The following MRPS6 variants were observed in gnomAD, a reference collection of about 807,000 sequenced individuals.
MRPS6 encodes the protein small ribosomal subunit protein bS6m.
MRPS6 carries 6 observed loss-of-function variants against 13.1 expected under a neutral mutation model. That is an observed-to-expected ratio of 0.46 (90% confidence interval 0.25 to 0.91). The LOEUF (loss-of-function observed/expected upper bound fraction) is 0.91, where lower values mean the gene tolerates loss of function less well. Ranked by LOEUF, MRPS6 falls within the 40% of genes least tolerant of loss-of-function variation. The probability of loss-of-function intolerance (pLI) is 0.18; values close to 1 mark genes in which losing one functional copy is unlikely to be tolerated. For synonymous variants in MRPS6, 61 were observed against 56.5 expected, an observed-to-expected ratio of 1.08 and a Z score of -0.36; for missense variants, 164 against 155.6, an observed-to-expected ratio of 1.05 and a Z score of -0.29.
Position 34,073,712 on chromosome 21 carries a change from C to G in MRPS6, c.12C>G (p.Tyr4Ter). The G allele has an allele frequency of 6.5e-7, 1 of 1,527,748 alleles. No individual in the cohort carries two copies. Among genetic ancestry groups the G allele is most frequent in the South Asian group, 1.1e-5 (1 of 87,180 alleles). 94.6% of individuals were successfully genotyped at this position (1,527,748 alleles called of 1,614,324 possible). MPR[Y>*]ELALILKAMQ... is the part of the protein sequence containing the mutation. ...CCGATCCTCCAGGCATGCCCCGCTA[C>G]GAGCTGGCTTTAATCCTGAAAGCCA... The change falls in exon 1 of 3, where the codon TAC (tyrosine) becomes TAG (stop). Residue 4 changes from tyrosine (Y) to a stop codon, truncating the protein, a stop_gained. Coordinates refer to ENST00000399312, the MANE Select transcript of MRPS6 (RefSeq NM_032476.4). LOFTEE classifies it high-confidence loss of function.
intron 1 of MRPS6, among the ~76,000 whole-genome samples, chr21:34,094,215 G>A (rs1346670772): frequency 2.0e-5 from 3 of 152,102 alleles, no homozygotes; most frequent in African/African-American, 7.2e-5. Flanking sequence ...GTGGAATGTC[G>A]TGTTTCCCAT....
intron 2 of MRPS6, among the ~76,000 whole-genome samples, chr21:34,130,730 G>T (rs1412000072): frequency 6.6e-6 from 1 of 152,186 alleles, no homozygotes; most frequent in Non-Finnish European, 1.5e-5. Flanking sequence ...AGTGAGAAAT[G>T]CATTAGTGTC....
intron 1 of MRPS6, among the ~76,000 whole-genome samples, chr21:34,092,354 G>C (rs950514203): frequency 5.4e-5 from 2 of 36,804 alleles, no homozygotes; most frequent in Non-Finnish European, 9.9e-5. Context: ...TTTTGTTTAA[G>C]TTGGAAAAAT....
At chr21:34,095,937 G>T in intron 1 of MRPS6, 1 of 1,614,104 alleles carries the variant, frequency 6.2e-7, no homozygotes, top group Non-Finnish European at 8.5e-7. Context: ...TAAGAAAGAA[G>T]CCCTGAAAAT....
chr21:34,117,972 T>C (rs999632775), intron 1 of MRPS6, among the ~76,000 whole-genome samples: 7 of 152,312 alleles, frequency 4.6e-5, no homozygotes, highest in African/African-American at 1.7e-4. Context: ...TTCTTAAGAT[T>C]CTACACTATA....
chr21:34,092,954 G>A (rs938159437), intron 1 of MRPS6, among the ~76,000 whole-genome samples: 1 of 152,108 alleles, frequency 6.6e-6, no homozygotes, highest in Non-Finnish European at 1.5e-5. Flanking sequence ...CTGGAGGCAG[G>A]GTTTCATAAC....
intron 1 of MRPS6, among the ~76,000 whole-genome samples, chr21:34,087,130 T>C (rs1014142728): frequency 2.8e-4 from 42 of 152,222 alleles, no homozygotes; most frequent in Admixed American, 1.1e-3. Flanking sequence ...AGGTTTTTAC[T>C]ATGTCATGGG....
At chr21:34,089,123 G>T (rs1360821387) in intron 1 of MRPS6, among the ~76,000 whole-genome samples, 1 of 152,140 alleles carries the variant, frequency 6.6e-6, no homozygotes, top group Admixed American at 6.5e-5. Context: ...ACCTCTCTGG[G>T]TTCAAGCGAT....
intron 1 of MRPS6, among the ~76,000 whole-genome samples, chr21:34,084,833 T>G (rs1989535540): frequency 6.6e-6 from 1 of 152,188 alleles, no homozygotes; most frequent in Non-Finnish European, 1.5e-5. Context: ...CTAACATGAC[T>G]AAAAAAATTT....
rs1569416905 is a variant in MRPS6 at position 34,096,565 on chromosome 21, T to TA, written c.45+22820_45+22821insA. 6.2e-7 allele frequency: 1 copy of TA among 1,614,064 alleles called. No homozygotes were observed. Among genetic ancestry groups the TA allele is most frequent in the Non-Finnish European group, 8.5e-7 (1 of 1,179,982 alleles). ...CTGACACCCCCAGTGGCAGCCTTGT[T>TA]CCTGCTGGCAATTTTCTGGAAGCGC... is the stretch of plus-strand genomic sequence containing the variant. On this transcript the variant is annotated intron_variant, in intron 1 of 2. Coordinates refer to ENST00000399312, the MANE Select transcript of MRPS6 (RefSeq NM_032476.4). This position sits in a 1 kb window ranked among gnomAD's most constrained non-coding sequence, Gnocchi z 5.9.
chr21:34,076,721 A>C (rs1297327700), intron 1 of MRPS6, among the ~76,000 whole-genome samples: 1 of 152,244 alleles, frequency 6.6e-6, no homozygotes, highest in Admixed American at 6.5e-5. Context: ...TATGACGGTA[A>C]AGTAATGGAT....
rs1365572495 is a variant in MRPS6 at position 34,073,755 on chromosome 21, C to T, written c.45+10C>T. ...GAAAGCCATGCAGCGGGTAAGTGACCTTCCCTCAGAGCCGGTCTTCCCGCG... is the reference window on the plus strand; with the variant it reads ...GAAAGCCATGCAGCGGGTAAGTGACTTTCCCTCAGAGCCGGTCTTCCCGCG... On this transcript the variant is annotated intron_variant, in intron 1 of 2. Transcript: ENST00000399312. 1 of 1,516,974 alleles carries T rather than the reference C, an allele frequency of 6.6e-7. No individual in the cohort carries two copies. The highest frequency in any genetic ancestry group is 8.9e-7 in the Non-Finnish European group (1 of 1,127,186). The allele number at this position is 1,516,974 out of a possible 1,614,324, so 94.0% of individuals were successfully genotyped here.
At chr21:34,100,379 A>G in intron 1 of MRPS6, 15 of 1,000,234 alleles carry the variant, frequency 1.5e-5, no homozygotes, top group Non-Finnish European at 1.8e-5. Context: ...CCCAGAGAGT[A>G]AACACTTGAG....
intron 2 of MRPS6, among the ~76,000 whole-genome samples, chr21:34,132,758 G>A (rs975186620): frequency 6.6e-6 from 1 of 152,138 alleles, no homozygotes; most frequent in East Asian, 1.9e-4. Context: ...TTTAGGCTGC[G>A]TTGTCTTTAT....
chr21:34,088,208 A>AT (rs1978494224), intron 1 of MRPS6, among the ~76,000 whole-genome samples: 2 of 226 alleles, frequency 8.8e-3, no homozygotes, highest in Non-Finnish European at 0.021. Context: ...TAGAATCTAT[A>AT]GCTGTGATGA....
At chr21:34,104,422 C>T in intron 1 of MRPS6, 1 of 1,000,108 alleles carries the variant, frequency 1.0e-6, no homozygotes, top group South Asian at 4.7e-5. Context: ...ATGTCTTTGT[C>T]TTAAATTTTG....
At chr21:34,117,021 ACT>A (rs1248033762) in intron 1 of MRPS6, among the ~76,000 whole-genome samples, 1 of 152,030 alleles carries the variant, frequency 6.6e-6, no homozygotes, top group East Asian at 1.9e-4. Flanking sequence ...TTTTCCCACC[ACT>A]CTGACTGATT....
intron 1 of MRPS6, among the ~76,000 whole-genome samples, chr21:34,116,344 T>C (rs566448922): frequency 8.0e-5 from 12 of 150,584 alleles, no homozygotes; most frequent in African/African-American, 2.2e-4. Flanking sequence ...TTAATTTCTA[T>C]AGGTGTTTTT....
chr21:34,128,129 G>A (rs1008600035), intron 2 of MRPS6, among the ~76,000 whole-genome samples: 7 of 152,162 alleles, frequency 4.6e-5, no homozygotes, highest in African/African-American at 1.7e-4. Flanking sequence ...GGTGTCCACA[G>A]GTCTCAGGTT....
Sources: gnomAD v4.1 joint callset for allele counts (sites outside exome capture counted in the v4.1 genomes callset) on GRCh38, gnomAD v4.1.1 for gene constraint, Gnocchi (gnomAD v3.1) non-coding constraint, MANE v1.5 for transcripts, NCBI Gene and HGNC (gene_info 2026-07-23, HGNC 2026-07-21) for gene names.